The following KLHL29 variants were observed in gnomAD, a reference collection of about 807,000 sequenced individuals.
KLHL29 encodes the protein kelch-like protein 29.
KLHL29 carries 21 observed loss-of-function variants against 80.4 expected under a neutral mutation model. The ratio of observed to expected loss-of-function variants is 0.26; its 90% confidence interval spans 0.19 to 0.38. The LOEUF (loss-of-function observed/expected upper bound fraction) is 0.38. Ranked by LOEUF, KLHL29 falls within the 10% of genes least tolerant of loss-of-function variation. KLHL29 has a pLI of 1.00. For missense variants in KLHL29, 867 were observed against 1,223.9 expected (o/e 0.71, Z 4.35); for synonymous variants, 511 against 526.8 (o/e 0.97, Z 0.41).
intron 2 of KLHL29, among the ~76,000 whole-genome samples, chr2:23,489,723 C>T (rs890091801): frequency 2.0e-5 from 3 of 151,810 alleles, no homozygotes; most frequent in African/African-American, 7.3e-5. Context: ...GTGCCTGGCC[C>T]CTGCAACAGC....
chr2:23,474,632 C>T (rs550568889), intron 1 of KLHL29, among the ~76,000 whole-genome samples: 3 of 152,104 alleles, frequency 2.0e-5, no homozygotes, highest in East Asian at 1.9e-4. Context: ...TATCAGCGGC[C>T]GCTGGAAAAG....
At position 23,463,495 on chromosome 2, in the gene KLHL29, A is replaced by G. The variant is rs538404147; in HGVS notation, c.-153-12065A>G. Among the ~76,000 whole-genome samples the G allele has an allele frequency of 3.9e-5, 6 of 152,320 alleles. No individual in the cohort carries two copies. The South Asian group carries it at 1.0e-3, about 26-fold the overall frequency. ...TGGCATAGACAAAAAATTTTACTGT[A>G]CAAAATTCTCATTTAAAACCCCTCA... On this transcript the variant is annotated intron_variant, in intron 1 of 13. Transcript: ENST00000486442.
chr2:23,638,936 C>A (rs1184380703), intron 3 of KLHL29, among the ~76,000 whole-genome samples: 1 of 152,210 alleles, frequency 6.6e-6, no homozygotes, highest in African/African-American at 2.4e-5. Flanking sequence ...GAGGTCCCAG[C>A]TGCTACTACT....
chr2:23,428,869 C>G (rs551616626), intron 1 of KLHL29, among the ~76,000 whole-genome samples: 1 of 152,214 alleles, frequency 6.6e-6, no homozygotes, highest in Non-Finnish European at 1.5e-5. Context: ...TTTGCAATGT[C>G]CCAGCCTTTC....
chr2:23,675,398 C>T (rs767231816), intron 5 of KLHL29, among the ~76,000 whole-genome samples: 1 of 152,194 alleles, frequency 6.6e-6, no homozygotes, highest in Non-Finnish European at 1.5e-5. Context: ...GGTCCTGACA[C>T]TCTGCCCCCT....
At chr2:23,638,353 A>G (rs762984977) in intron 3 of KLHL29, among the ~76,000 whole-genome samples, 1 of 152,078 alleles carries the variant, frequency 6.6e-6, no homozygotes, top group Non-Finnish European at 1.5e-5. Flanking sequence ...ATTCCATTAT[A>G]AGGCTGTGGC....
intron 3 of KLHL29, among the ~76,000 whole-genome samples, chr2:23,604,850 A>G (rs977545509): frequency 2.0e-5 from 3 of 152,010 alleles, no homozygotes; most frequent in African/African-American, 7.2e-5. Context: ...CCCCATCCTG[A>G]CCCATGCTTC....
At chr2:23,644,300 T>TA (rs1669860467) in intron 5 of KLHL29, 1 of 151,888 alleles carries the variant, frequency 6.6e-6, no homozygotes, top group African/African-American at 2.4e-5. Flanking sequence ...GAAAGAAACT[T>TA]ACTCCCAGTT....
At chr2:23,553,979 G>A (rs567246571) in intron 2 of KLHL29, among the ~76,000 whole-genome samples, 2 of 152,330 alleles carry the variant, frequency 1.3e-5, no homozygotes, top group East Asian at 3.9e-4. Flanking sequence ...CATCAAAGAA[G>A]GCATCCAGCA....
chr2:23,388,971 TTTTC>T (rs1169291902), intron 1 of KLHL29, among the ~76,000 whole-genome samples: 1 of 145,200 alleles, frequency 6.9e-6, no homozygotes, highest in Non-Finnish European at 1.5e-5. Context: ...TCCTTCCTTT[TTTTC>T]TTTCTTTCTT....
chr2:23,469,448 G>T (rs527285449), intron 1 of KLHL29, among the ~76,000 whole-genome samples: 2 of 152,322 alleles, frequency 1.3e-5, no homozygotes, highest in East Asian at 3.9e-4. Context: ...GCAGGAGCAC[G>T]CCACGCAGCC....
intron 5 of KLHL29, among the ~76,000 whole-genome samples, chr2:23,683,815 G>A (rs1379472489): frequency 6.6e-6 from 1 of 152,286 alleles, no homozygotes; most frequent in East Asian, 1.9e-4. Context: ...CCCCACAAGT[G>A]TGAAACAGAA....
rs1196320784 is a variant in KLHL29 at position 23,647,488 on chromosome 2, CT to C, written c.940+4639del. On this transcript the variant is annotated intron_variant, in intron 5 of 13. Coordinates refer to ENST00000486442, the MANE Select transcript of KLHL29 (RefSeq NM_052920.2). This position sits in a 1 kb window ranked among gnomAD's most constrained non-coding sequence, Gnocchi z 4.9. Reference sequence around the variant, plus strand: ...GCCAGCCCTTTGTCCACCTCTAGCACTAAGTCTGAAAACTCAATCGATTCAG... The same window carrying C: ...GCCAGCCCTTTGTCCACCTCTAGCACAAGTCTGAAAACTCAATCGATTCAG... Among the ~76,000 whole-genome samples, 1 of 152,198 alleles carries C rather than the reference CT, an allele frequency of 6.6e-6. No homozygotes were observed. Among genetic ancestry groups the C allele is most frequent in the Non-Finnish European group, 1.5e-5 (1 of 68,040 alleles).
In KLHL29 at chr2:23,677,952, G is replaced by A. The variant is rs116363967; in HGVS notation, c.941-6447G>A. Among the ~76,000 whole-genome samples the A allele has an allele frequency of 7.2e-3, 1,101 of 152,318 alleles. 9 individuals carry two copies. The highest frequency in any genetic ancestry group is 0.024 in the African/African-American group (988 of 41,566). ...TTCTTACTTGAGCTCTGAAAAAAAT[G>A]ATTTGGCCACACAACCTTTCTCAAG... On this transcript the variant is annotated intron_variant, in intron 5 of 13. Coordinates refer to ENST00000486442, the MANE Select transcript of KLHL29 (RefSeq NM_052920.2).
chr2:23,544,613 C>T (rs1307905911), intron 2 of KLHL29, among the ~76,000 whole-genome samples: 1 of 151,982 alleles, frequency 6.6e-6, no homozygotes, highest in Non-Finnish European at 1.5e-5. Context: ...TGAGAGTGAG[C>T]GGGAAAGAAA....
chr2:23,632,659 G>A (rs959369581), intron 3 of KLHL29, among the ~76,000 whole-genome samples: 1 of 152,250 alleles, frequency 6.6e-6, no homozygotes, highest in Non-Finnish European at 1.5e-5. Flanking sequence ...GGAGCACTGT[G>A]CGAATTTGCT....
In KLHL29 at chr2:23,700,244, C is replaced by T. The variant is rs565134362; in HGVS notation, c.2106-2942C>T. Among the ~76,000 whole-genome samples, 27 of 152,258 alleles carry T rather than the reference C, an allele frequency of 1.8e-4. 1 individual carries two copies. The South Asian group carries it at 5.2e-3, about 29-fold the overall frequency. ...AAACAAGACCTGTTTTCTGCTGGCT[C>T]GTGAGATCTGAAGTTAAAATTACAG... On this transcript the variant is annotated intron_variant, in intron 11 of 13. Transcript: ENST00000486442. This position sits in a 1 kb window ranked among gnomAD's most constrained non-coding sequence, Gnocchi z 4.6.
Position 23,682,843 on chromosome 2 carries a change from G to A in KLHL29, c.941-1556G>A, listed in dbSNP as rs1671128287. On this transcript the variant is annotated intron_variant, in intron 5 of 13. Coordinates refer to ENST00000486442, the MANE Select transcript of KLHL29 (RefSeq NM_052920.2). This position sits in a 1 kb window ranked among gnomAD's most constrained non-coding sequence, Gnocchi z 4.1. ...TCCGCACCCCTGGAGATGCTCTGCT[G>A]TGACTCCAGACTCAGTGTGACTTGG... is the stretch of plus-strand genomic sequence containing the variant. Among the ~76,000 whole-genome samples the A allele has an allele frequency of 6.6e-6, 1 of 152,176 alleles. No individual in the cohort carries two copies. The highest frequency in any genetic ancestry group is 2.4e-5 in the African/African-American group (1 of 41,442).
At chr2:23,652,448 T>A (rs1183052807) in intron 5 of KLHL29, among the ~76,000 whole-genome samples, 1 of 152,240 alleles carries the variant, frequency 6.6e-6, no homozygotes, top group Non-Finnish European at 1.5e-5. Flanking sequence ...CTGGTCCCTG[T>A]TCTACATGAC....
Sources: gnomAD v4.1 joint callset for allele counts (sites outside exome capture counted in the v4.1 genomes callset) on GRCh38, gnomAD v4.1.1 for gene constraint, Gnocchi (gnomAD v3.1) non-coding constraint, MANE v1.5 for transcripts, NCBI Gene and HGNC (gene_info 2026-07-23, HGNC 2026-07-21) for gene names.